The following CFAP95 variants were observed in gnomAD, a reference collection of about 807,000 sequenced individuals.
CFAP95 encodes cilia- and flagella-associated protein 95.
the CFAP95 span, among the ~76,000 whole-genome samples, chr9:69,887,835 C>T: frequency 6.6e-6 from 1 of 152,188 alleles, no homozygotes; most frequent in Non-Finnish European, 1.5e-5. Context: ...AGAATCCAGG[C>T]TACTCTGTTG....
the CFAP95 span, among the ~76,000 whole-genome samples, chr9:69,903,732 A>G: frequency 1.3e-5 from 2 of 152,106 alleles, no homozygotes; most frequent in Admixed American, 6.6e-5. Flanking sequence ...GCTTTTTCCA[A>G]TGCATTTTTT....
the CFAP95 span, among the ~76,000 whole-genome samples, chr9:69,905,558 A>T: frequency 6.6e-6 from 1 of 152,206 alleles, no homozygotes; most frequent in Non-Finnish European, 1.5e-5. Flanking sequence ...TTAAAGATAT[A>T]ACCCAAGATA....
chr9:69,888,509 A>G, the CFAP95 span, among the ~76,000 whole-genome samples: 1 of 152,218 alleles, frequency 6.6e-6, no homozygotes, highest in African/African-American at 2.4e-5. Context: ...CACCCCATTT[A>G]CAAATACTAA....
chr9:69,849,151 T>G, the CFAP95 span, among the ~76,000 whole-genome samples: 1 of 152,210 alleles, frequency 6.6e-6, no homozygotes, highest in African/African-American at 2.4e-5. Context: ...CTTACTTAGT[T>G]ATTAATAGTT....
At chr9:69,820,998 A>AGG in the CFAP95 span, 2 of 1,613,872 alleles carry the variant, frequency 1.2e-6, no homozygotes, top group Non-Finnish European at 1.7e-6. Flanking sequence ...TCCCATCACA[A>AGG]GAAATACTCG....
chr9:69,841,924 T>C, the CFAP95 span, among the ~76,000 whole-genome samples: 4 of 152,226 alleles, frequency 2.6e-5, no homozygotes, highest in Non-Finnish European at 5.9e-5. Flanking sequence ...ATGGGAATTA[T>C]GGGTGCTACA....
the CFAP95 span, among the ~76,000 whole-genome samples, chr9:69,882,081 C>T: frequency 2.6e-5 from 4 of 151,414 alleles, no homozygotes; most frequent in Non-Finnish European, 4.4e-5. Flanking sequence ...CTCCCAAGTT[C>T]AAGCAATTCT....
chr9:69,827,494 G>A, the CFAP95 span, among the ~76,000 whole-genome samples: 1 of 152,180 alleles, frequency 6.6e-6, no homozygotes, highest in African/African-American at 2.4e-5. Context: ...GTCTCGTTCA[G>A]AACAGTGCCC....
chr9:69,864,172 G>A, the CFAP95 span, among the ~76,000 whole-genome samples: 22 of 152,218 alleles, frequency 1.4e-4, no homozygotes, highest in East Asian at 2.1e-3. Context: ...AGTGATTAGC[G>A]TGTATTGTTG....
At chr9:69,821,275 G>A in the CFAP95 span, among the ~76,000 whole-genome samples, 37 of 152,218 alleles carry the variant, frequency 2.4e-4, no homozygotes, top group Middle Eastern at 3.4e-3. Context: ...AGAAAGAAAA[G>A]GGAAAGAAAT....
the CFAP95 span, among the ~76,000 whole-genome samples, chr9:69,868,883 C>T: frequency 6.0e-5 from 9 of 149,724 alleles, no homozygotes; most frequent in African/African-American, 2.2e-4. Context: ...AAATGGCCAA[C>T]AGGTATTTAA....
the CFAP95 span, among the ~76,000 whole-genome samples, chr9:69,856,865 A>G: frequency 4.7e-4 from 70 of 149,926 alleles, no homozygotes; most frequent in Middle Eastern, 0.021. Flanking sequence ...TTGTTTACCA[A>G]TCAACTCTCT....
the CFAP95 span, among the ~76,000 whole-genome samples, chr9:69,832,620 A>ATTTTTTTTTTTTTTTTTTTTTTTTTTTT: frequency 1.6e-3 from 18 of 11,344 alleles, 4 homozygotes; most frequent in African/African-American, 2.3e-3. Flanking sequence ...GTCTATTCGG[A>ATTTTTTTTTTTTTTTTTTTTTTTTTTTT]TTTTTTTTTT....
the CFAP95 span, among the ~76,000 whole-genome samples, chr9:69,893,232 A>G: frequency 6.6e-6 from 1 of 152,050 alleles, no homozygotes; most frequent in Non-Finnish European, 1.5e-5. Context: ...GCACTCACTT[A>G]CCTACCTGCA....
At chr9:69,890,155 A>G in the CFAP95 span, among the ~76,000 whole-genome samples, 2 of 151,900 alleles carry the variant, frequency 1.3e-5, no homozygotes, top group African/African-American at 2.4e-5. Context: ...TTTAAATAAA[A>G]GAAATCTAAT....
chr9:69,852,186 G>T, the CFAP95 span, among the ~76,000 whole-genome samples: 1 of 151,118 alleles, frequency 6.6e-6, no homozygotes, highest in Non-Finnish European at 1.5e-5. Flanking sequence ...TTTGGCAACG[G>T]TGCAGAAAAG....
At chr9:69,847,842 A>G in the CFAP95 span, among the ~76,000 whole-genome samples, 1 of 152,174 alleles carries the variant, frequency 6.6e-6, no homozygotes, top group Non-Finnish European at 1.5e-5. Flanking sequence ...AGCTAATATG[A>G]GCATCATTTA....
At chr9:69,836,638 C>A in the CFAP95 span, among the ~76,000 whole-genome samples, 8 of 149,250 alleles carry the variant, frequency 5.4e-5, no homozygotes, top group East Asian at 1.6e-3. Context: ...TAAAAAGTAT[C>A]CAAATTCCTA....
the CFAP95 span, among the ~76,000 whole-genome samples, chr9:69,875,869 C>T: frequency 3.2e-4 from 48 of 152,210 alleles, 1 homozygote; most frequent in African/African-American, 1.1e-3. Flanking sequence ...TCAATATATC[C>T]ATTTTCTTGC....
Sources: allele counts gnomAD v4.1 joint callset (sites outside exome capture counted in the v4.1 genomes callset), GRCh38; gene constraint gnomAD v4.1.1; transcripts MANE v1.5; gene names NCBI Gene and HGNC (gene_info 2026-07-23, HGNC 2026-07-21).